NFIC: variants seen among roughly 807,000 people sequenced by gnomAD.
The protein encoded by NFIC is nuclear factor 1 C-type.
In NFIC, 12 loss-of-function variants were observed where a neutral mutation model predicts 54.4. The ratio of observed to expected loss-of-function variants is 0.22; its 90% CI spans 0.14 to 0.36. The LOEUF is 0.36. Among genes scored for constraint, NFIC ranks in the 10% least tolerant of loss-of-function variants. The pLI is 1.00. For synonymous variants in NFIC, 322 were observed against 319.2 expected (o/e 1.01, Z -0.09); for missense variants, 575 against 718.2 (o/e 0.80, Z 2.28).
chr19:3,468,903 G>C lies in NFIC; in HGVS notation c.*6134G>C, dbSNP rs2082751816. ...CTCCTACTTCTCCTCTTGACAGCGAGGACAGGAGGGGGACAAGGGGACACC... is the reference window on the plus strand; with the variant it reads ...CTCCTACTTCTCCTCTTGACAGCGACGACAGGAGGGGGACAAGGGGACACC... On this transcript the variant is annotated 3_prime_UTR_variant, in exon 11 of 11. Coordinates refer to ENST00000443272, the MANE Select transcript of NFIC (RefSeq NM_001245002.2). The C allele has an allele frequency of 6.6e-6, 1 of 152,072 alleles. No homozygotes were observed. Among genetic ancestry groups the C allele is most frequent in the African/African-American group, 2.4e-5 (1 of 41,390 alleles). 9.4% of individuals were successfully genotyped at this position (152,072 alleles called of 1,614,324 possible).
At chr19:3,392,766 C>T (rs1339983170) in intron 2 of NFIC, among the ~76,000 whole-genome samples, 3 of 152,130 alleles carry the variant, frequency 2.0e-5, no homozygotes, top group South Asian at 2.1e-4. Context: ...TCCAGCTGGG[C>T]GAGGGCAGGA....
chr19:3,384,678 C>T (rs771497997), intron 2 of NFIC, among the ~76,000 whole-genome samples: 2 of 152,130 alleles, frequency 1.3e-5, no homozygotes, highest in South Asian at 2.1e-4. Flanking sequence ...CGTGAGCCAC[C>T]GCGCCCGGCA....
intron 1 of NFIC, among the ~76,000 whole-genome samples, chr19:3,359,931 C>T (rs1474997620): frequency 5.3e-5 from 8 of 149,866 alleles, no homozygotes; most frequent in African/African-American, 2.0e-4. Flanking sequence ...GGGCCCCTCG[C>T]GGGCGCCGCG....
chr19:3,366,454 G>T (rs996638824), upstream of NFIC: 5 of 500,872 alleles, frequency 1.0e-5, no homozygotes, highest in African/African-American at 8.4e-5. Flanking sequence ...CGAGGCGGGC[G>T]GCGCGAGAGA....
At chr19:3,397,644 C>T (rs1331152359) in intron 2 of NFIC, among the ~76,000 whole-genome samples, 1 of 152,246 alleles carries the variant, frequency 6.6e-6, no homozygotes, top group Non-Finnish European at 1.5e-5. Context: ...CTCCCAGCCC[C>T]CCATCCCACC....
chr19:3,365,204 G>T (rs1422706528), upstream of NFIC, among the ~76,000 whole-genome samples: 1 of 152,150 alleles, frequency 6.6e-6, no homozygotes, highest in Non-Finnish European at 1.5e-5. Context: ...TATCTTCTGC[G>T]CCCCTGGGCC....
intron 2 of NFIC, among the ~76,000 whole-genome samples, chr19:3,401,846 T>G (rs963547912): frequency 8.9e-5 from 13 of 145,594 alleles, no homozygotes; most frequent in Admixed American, 5.5e-4. Context: ...CTCAGCCTCC[T>G]GAGTAGCTGG....
intron 3 of NFIC, among the ~76,000 whole-genome samples, chr19:3,428,818 G>A (rs1320944604): frequency 2.0e-5 from 3 of 152,062 alleles, no homozygotes; most frequent in Non-Finnish European, 2.9e-5. Flanking sequence ...AACCCCGGTC[G>A]GGGGAGGCGG....
intron 6 of NFIC, among the ~76,000 whole-genome samples, chr19:3,435,654 A>G (rs1219729194): frequency 3.3e-5 from 5 of 150,564 alleles, no homozygotes; most frequent in Non-Finnish European, 5.9e-5. Flanking sequence ...TCTTGAGGTT[A>G]CTTTTTTTTT....
In NFIC at chr19:3,433,525, C is replaced by A. The variant is rs745869936; in HGVS notation, c.642C>A (p.Thr214=). The A allele has an allele frequency of 1.8e-5, 29 of 1,613,734 alleles. No individual in the cohort carries two copies. The African/African-American group carries it at 1.9e-4, about 10-fold the overall frequency. The stretch of plus-strand genomic sequence containing the variant: ...GCTGTCTTCCTGTTCCAGACACGAC[C>A]GACTTCCAGGAGAGCTTTGTCACCT... ...EDSKPITLDT[T]DFQESFVTSG... Residue 214 remains threonine, a synonymous_variant, in exon 4 of 11, where the codon ACC becomes ACA. Coordinates refer to ENST00000443272, the MANE Select transcript of NFIC (RefSeq NM_001245002.2).
chr19:3,411,555 T>C (rs1480512512), intron 2 of NFIC, among the ~76,000 whole-genome samples: 1 of 151,434 alleles, frequency 6.6e-6, no homozygotes, highest in East Asian at 1.9e-4. Flanking sequence ...CTCGAACTCC[T>C]GACCTCCAGT....
intron 2 of NFIC, among the ~76,000 whole-genome samples, chr19:3,407,981 C>T (rs575127721): frequency 3.3e-5 from 5 of 152,176 alleles, no homozygotes; most frequent in Admixed American, 6.6e-5. Flanking sequence ...GAACCTTCGC[C>T]GGGTAATGTT....
At chr19:3,390,274 A>G (rs2081357549) in intron 2 of NFIC, among the ~76,000 whole-genome samples, 3 of 152,348 alleles carry the variant, frequency 2.0e-5, no homozygotes, top group Non-Finnish European at 4.4e-5. Context: ...CTGTCTGTGC[A>G]GAGAAGGTGG....
chr19:3,417,121 G>C (rs8105053), intron 2 of NFIC, among the ~76,000 whole-genome samples: 107,454 of 149,476 alleles, frequency 0.72, 40,228 homozygotes, highest in East Asian at 0.94. Flanking sequence ...TCCTGACCTC[G>C]TGATCCGCCC....
intron 6 of NFIC, among the ~76,000 whole-genome samples, chr19:3,435,674 T>C (rs1199904190): frequency 6.6e-6 from 1 of 151,994 alleles, no homozygotes; most frequent in Non-Finnish European, 1.5e-5. Flanking sequence ...TTAACCAGGT[T>C]CCCATCTCCA....
Position 3,420,730 on chromosome 19 carries a change from CT to C in NFIC, c.563-4365del, listed in dbSNP as rs201736776. ...GTTTTATTAATAATTCATTCATCAC[CT>C]TTTTTTTTTTGAGATGGAGTCACTC... On this transcript the variant is annotated intron_variant, in intron 2 of 10. Transcript: ENST00000443272. 4.0e-3 allele frequency among the ~76,000 whole-genome samples: 581 copies of C among 145,460 alleles called. 4 individuals are homozygous for C. The highest frequency in any genetic ancestry group is 7.1e-3 in the Non-Finnish European group (462 of 65,438).
At chr19:3,417,901 G>A (rs2081891688) in intron 2 of NFIC, among the ~76,000 whole-genome samples, 1 of 100,158 alleles carries the variant, frequency 1.0e-5, no homozygotes, top group Non-Finnish European at 2.1e-5. Context: ...GCCTGTCAGA[G>A]TGCTGGGATT....
At chr19:3,442,562 T>C (rs542208060) in intron 6 of NFIC, among the ~76,000 whole-genome samples, 1 of 152,044 alleles carries the variant, frequency 6.6e-6, no homozygotes, top group Non-Finnish European at 1.5e-5. Context: ...AATTTGTGTA[T>C]TTTTAGTAGA....
intron 2 of NFIC, among the ~76,000 whole-genome samples, chr19:3,399,955 C>T (rs1407098044): frequency 1.3e-5 from 2 of 151,330 alleles, no homozygotes; most frequent in Non-Finnish European, 3.0e-5. Context: ...GAGGCTGAGG[C>T]GGGAGGATCG....
Sources: allele counts gnomAD v4.1 joint callset (sites outside exome capture counted in the v4.1 genomes callset), GRCh38; gene constraint gnomAD v4.1.1; transcripts MANE v1.5; gene names NCBI Gene and HGNC (gene_info 2026-07-23, HGNC 2026-07-21).